Variants in PRRT3 observed in about 807,000 individuals in gnomAD.
PRRT3 encodes proline-rich transmembrane protein 3.
A neutral mutation model predicts 56.6 loss-of-function variants in PRRT3; 48 were observed. That is an observed-to-expected ratio of 0.85 (90% CI 0.67 to 1.08). The LOEUF is 1.08. PRRT3 is among the 50% of genes least tolerant of loss of function. PRRT3 has a pLI of 0.00. For synonymous variants in PRRT3, 641 were observed against 619.1 expected, an observed-to-expected ratio of 1.04 and a Z score of -0.52; for missense variants, 1,370 against 1,353.1, an observed-to-expected ratio of 1.01 and a Z score of -0.20.
rs2085504800 is a variant in PRRT3, at chr3:9,945,821, C to CCTTTTTTTTTTTTTTTTTTTTTTTTT, written c.*405_*406insAAAAAAAAAAAAAAAAAAAAAAAAAG. The CCTTTTTTTTTTTTTTTTTTTTTTTTT allele has an allele frequency of 1.8e-5, 1 of 56,908 alleles. No individual in the cohort carries two copies. The highest frequency in any genetic ancestry group is 6.4e-5 in the African/African-American group (1 of 15,564). 3.5% of individuals were successfully genotyped at this position (56,908 alleles called of 1,614,324 possible). On this transcript the variant is annotated 3_prime_UTR_variant, in exon 4 of 4. Coordinates refer to ENST00000412055, the MANE Select transcript of PRRT3 (RefSeq NM_207351.5). ...GTCAGGTAGAGAGGCCTGGGGATGC[C>CCTTTTTTTTTTTTTTTTTTTTTTTTT]TTTTTTTTTTTTTTTTTTTTTTTTT... is the stretch of plus-strand genomic sequence containing the variant.
rs2085498903 is a variant in PRRT3, at chr3:9,945,655, T to A, written c.*572A>T. ...CTGCTCCCTGTTCTTCATGCCCGAA[T>A]CCATGCACACCCACCCTGTATTCCG... On this transcript the variant is annotated 3_prime_UTR_variant, in exon 4 of 4. Transcript: ENST00000412055. The A allele has an allele frequency of 6.5e-6, 1 of 153,292 alleles. No individual in the cohort carries two copies. The highest frequency in any genetic ancestry group is 6.6e-5 in the Admixed American group (1 of 15,262). The allele number at this position is 153,292 out of a possible 1,614,324, so 9.5% of individuals were successfully genotyped here.
Position 9,948,849 on chromosome 3 carries a change from G to A in PRRT3, c.1080C>T (p.Ala360=), listed in dbSNP as rs2085572262. The part of the protein sequence containing the change: ...SPQRVRGAVE[A]PGTPKSLIPG... ...GGATGAGAGACTTGGGGGTGCCTGG[G>A]GCCTCCACAGCTCCTCTCACCCGCT... The change falls in exon 3 of 4, where the codon GCC becomes GCT. Residue 360 remains alanine, a synonymous_variant. Coordinates refer to ENST00000412055, the MANE Select transcript of PRRT3 (RefSeq NM_207351.5). The A allele has an allele frequency of 6.2e-7, 1 of 1,611,980 alleles. No homozygotes were observed. The highest frequency in any genetic ancestry group is 1.1e-5 in the South Asian group (1 of 90,978).
Position 9,948,785 on chromosome 3 carries a change from C to G in PRRT3, c.1144G>C (p.Glu382Gln). The G allele has an allele frequency of 1.2e-6, 2 of 1,614,002 alleles. No individual in the cohort carries two copies. The highest frequency in any genetic ancestry group is 1.7e-6 in the Non-Finnish European group (2 of 1,179,984). ...SDPGPAVNRT[E>Q]SPMGALQPDE... ...GGCTGCAGGGCCCCCATGGGGCTCT[C>G]TGTTCGGTTTACAGCTGGGCCAGGG... The change falls in exon 3 of 4, where the codon GAG becomes CAG. Residue 382 changes from glutamate to glutamine, a missense_variant. By Grantham distance (29) the Glu-to-Gln change is conservative (BLOSUM62 2). Coordinates refer to ENST00000412055, the MANE Select transcript of PRRT3 (RefSeq NM_207351.5).
intron 3 of PRRT3, 141 bp from the exon 4 acceptor site, chr3:9,948,142 TGAA>T (rs1235086434): frequency 3.0e-5 from 27 of 886,570 alleles, no homozygotes; most frequent in Non-Finnish European, 3.4e-5. Flanking sequence ...CATTGCGTTG[TGAA>T]GAAGATGAAA....
Position 9,947,454 on chromosome 3 carries a change from C to A in PRRT3, c.1719G>T (p.Leu573=). The part of the protein sequence containing the change: ...GLPPPLQNPL[L]LGAVALVHGV... ...CATGCACCAGCGCCACTGCTCCCAG[C>A]AGGAGTGGGTTTTGCAGCGGTGGCG... Residue 573 remains leucine, a synonymous_variant, in exon 4 of 4, where the codon CTG becomes CTT. Transcript: ENST00000412055. This position sits in a 1 kb window ranked among gnomAD's most constrained non-coding sequence, Gnocchi z 9.2. 4 of 1,612,500 alleles carry A rather than the reference C, an allele frequency of 2.5e-6. No individual in the cohort carries two copies. Among genetic ancestry groups the A allele is most frequent in the Non-Finnish European group, 3.4e-6 (4 of 1,179,640 alleles).
rs530008318 is a variant in PRRT3 at position 9,949,961 on chromosome 3, C to A, written c.155G>T (p.Gly52Val). 6.4e-7 allele frequency: 1 copy of A among 1,573,876 alleles called. No homozygotes were observed. The highest frequency in any genetic ancestry group is 8.6e-7 in the Non-Finnish European group (1 of 1,163,016). The change falls in exon 2 of 4, where the codon GGC becomes GTC. Residue 52 changes from glycine (G) to valine (V), a missense_variant. By Grantham distance (109) the Gly-to-Val change is moderately radical. Coordinates refer to ENST00000412055, the MANE Select transcript of PRRT3 (RefSeq NM_207351.5). The surrounding 1 kb of genome is among the most constrained non-coding windows in gnomAD (Gnocchi z 4.5). ...CACGTCAAAGGCCTGGGGCTCTGAG[C>A]CCACAGAGCCCTTGGGGTGGGCTCC... ...IPGAHPKGSVGSEPQAFDVFP... is the reference protein window; with the variant it reads ...IPGAHPKGSVVSEPQAFDVFP...
In PRRT3 at chr3:9,949,248, T is replaced by TG; in HGVS notation, c.867dup (p.Lys290GlnfsTer6). On this transcript the variant is annotated frameshift_variant, in exon 2 of 4. Coordinates refer to ENST00000412055, the MANE Select transcript of PRRT3 (RefSeq NM_207351.5). LOFTEE classifies it high-confidence loss of function. The surrounding 1 kb of genome is among the most constrained non-coding windows in gnomAD (Gnocchi z 4.5). ...CAGGACACCTCAGCGCCAGCCCTCT[T>TG]GGGGGTCTCAACCGGCAGCTCCTCA... 1 of 1,602,492 alleles carries TG rather than the reference T, an allele frequency of 6.2e-7. No homozygotes were observed. The highest frequency in any genetic ancestry group is 8.5e-7 in the Non-Finnish European group (1 of 1,173,728).
rs566154844 is a variant in PRRT3, at chr3:9,947,653, G to A, written c.1520C>T (p.Ala507Val). 1.3e-6 allele frequency: 2 copies of A among 1,571,326 alleles called. No homozygotes were observed. The highest frequency in any genetic ancestry group is 1.7e-6 in the Non-Finnish European group (2 of 1,160,316). Residue 507 changes from alanine (A) to valine (V), a missense_variant, in exon 4 of 4, where the codon GCG becomes GTG. Ala to Val is a moderately conservative substitution (Grantham distance 64). Coordinates refer to ENST00000412055, the MANE Select transcript of PRRT3 (RefSeq NM_207351.5). This position sits in a 1 kb window ranked among gnomAD's most constrained non-coding sequence, Gnocchi z 9.2. ...CGCCGAAGCCACGAGCACCAGCACC[G>A]CGGCCACCAATGCCAGCCGGGGCCC... ...PAGPRLALVAAVLVLVASALR... is the reference protein window; with the variant it reads ...PAGPRLALVAVVLVLVASALR...
intron 3 of PRRT3, chr3:9,948,502 T>C (rs1297147277): frequency 9.7e-6 from 5 of 513,514 alleles, no homozygotes; most frequent in African/African-American, 7.9e-5. Flanking sequence ...AATTTTTATA[T>C]ATTTTTTTTG....
chr3:9,950,005 G>C lies in PRRT3; in HGVS notation c.111C>G (p.Ser37=). The change falls in exon 2 of 4, where the codon TCC becomes TCG. Residue 37 remains serine (S), a synonymous_variant. Transcript: ENST00000412055. ...GRGFPRPLEN[S]EIPMIPGAHP... ...GGGCTCCAGGGATCATAGGGATTTC[G>C]GAGTTTTCAAGTGGCCTGGGAAAGC... is the stretch of plus-strand genomic sequence containing the variant. 5 of 1,533,794 alleles carry C rather than the reference G, an allele frequency of 3.3e-6. No individual in the cohort carries two copies. The highest frequency in any genetic ancestry group is 4.4e-6 in the Non-Finnish European group (5 of 1,143,866).
rs545123093 is a variant in PRRT3 at position 9,947,741 on chromosome 3, C to T, written c.1432G>A (p.Val478Met). Residue 478 changes from valine (V) to methionine (M), a missense_variant, in exon 4 of 4, where the codon GTG (valine) becomes ATG (methionine). By Grantham distance (21) the Val-to-Met change is conservative (BLOSUM62 1). Transcript: ENST00000412055. The surrounding 1 kb of genome is among the most constrained non-coding windows in gnomAD (Gnocchi z 9.2). ...GCGGGCAGCAGAAAGAGTACCCCCA[C>T]CCCGTAGACGTGCAGCTCCCAGGAG... ...SFSWELHVYG[V>M]GVLFLLPALL... 19 of 1,539,892 alleles carry T rather than the reference C, an allele frequency of 1.2e-5. No homozygotes were observed. Among genetic ancestry groups the T allele is most frequent in the Non-Finnish European group, 1.4e-5 (16 of 1,147,474 alleles).
Position 9,946,977 on chromosome 3 carries a change from T to A in PRRT3, c.2196A>T (p.Arg732=). The A allele has an allele frequency of 6.5e-7, 1 of 1,543,878 alleles. No homozygotes were observed. Among genetic ancestry groups the A allele is most frequent in the Non-Finnish European group, 8.7e-7 (1 of 1,149,544 alleles). ...APSGKSEVPE[R]PNNCYAGPSN... ...TGGGCCCTGCATAGCAGTTATTGGGTCGCTCCGGCACCTCGCTCTTTCCTG... is the reference window on the plus strand; with the variant it reads ...TGGGCCCTGCATAGCAGTTATTGGGACGCTCCGGCACCTCGCTCTTTCCTG... The change falls in exon 4 of 4, where the codon CGA becomes CGT. Residue 732 remains arginine, a synonymous_variant. Transcript: ENST00000412055. This position sits in a 1 kb window ranked among gnomAD's most constrained non-coding sequence, Gnocchi z 4.1.
chr3:9,947,110 G>A lies in PRRT3; in HGVS notation c.2063C>T (p.Thr688Ile), dbSNP rs780702570. 2 of 1,538,232 alleles carry A rather than the reference G, an allele frequency of 1.3e-6. No individual in the cohort carries two copies. Among genetic ancestry groups the A allele is most frequent in the East Asian group, 4.9e-5 (2 of 40,920 alleles). Residue 688 changes from threonine to isoleucine, a missense_variant, in exon 4 of 4, where the codon ACA becomes ATA. Physicochemically the swap from Thr to Ile is moderately conservative, Grantham distance 89 (BLOSUM62 -1). Coordinates refer to ENST00000412055, the MANE Select transcript of PRRT3 (RefSeq NM_207351.5). The surrounding 1 kb of genome is among the most constrained non-coding windows in gnomAD (Gnocchi z 9.2). ...GGCCAACGCCAGGGCGAGCGCCCATGTCAGCTCCAGGAGGCGCAGCCAGAA... is the reference window on the plus strand; with the variant it reads ...GGCCAACGCCAGGGCGAGCGCCCATATCAGCTCCAGGAGGCGCAGCCAGAA... ...VHFWLRLLEL[T>I]WALALALAAV...
Position 9,947,013 on chromosome 3 carries a change from G to A in PRRT3, c.2160C>T (p.Cys720=). The part of the protein sequence containing the change: ...ACWAKLMRLA[C]PAPSGKSEVP... ...CCTCGCTCTTTCCTGACGGCGCCGGGCACGCCAGACGCATCAGCTTAGCCC... is the reference window on the plus strand; with the variant it reads ...CCTCGCTCTTTCCTGACGGCGCCGGACACGCCAGACGCATCAGCTTAGCCC... The change falls in exon 4 of 4, where the codon TGC becomes TGT. Residue 720 remains cysteine, a synonymous_variant. Coordinates refer to ENST00000412055, the MANE Select transcript of PRRT3 (RefSeq NM_207351.5). The surrounding 1 kb of genome is among the most constrained non-coding windows in gnomAD (Gnocchi z 9.2). 6.5e-7 allele frequency: 1 copy of A among 1,541,378 alleles called. No homozygotes were observed.
Position 9,946,323 on chromosome 3 carries a change from A to G in PRRT3, c.2850T>C (p.Ser950=). Residue 950 remains serine, a synonymous_variant, in exon 4 of 4, where the codon TCT becomes TCC. Transcript: ENST00000412055. This position sits in a 1 kb window ranked among gnomAD's most constrained non-coding sequence, Gnocchi z 4.1. ...GGCCGTCCCCCTGCCGAGCGGCGGT[A>G]GAATCAGGGGCTGGGGTCGGGGCAG... ...LLPAPTPAPD[S]TAARQGDGQG... 1.2e-6 allele frequency: 2 copies of G among 1,612,556 alleles called. No individual in the cohort carries two copies. The highest frequency in any genetic ancestry group is 1.7e-6 in the Non-Finnish European group (2 of 1,179,740).
Position 9,946,899 on chromosome 3 carries a change from C to T in PRRT3, c.2274G>A (p.Pro758=), listed in dbSNP as rs1237365089. The change falls in exon 4 of 4, where the codon CCG becomes CCA. Residue 758 remains proline (P), a synonymous_variant. Coordinates refer to ENST00000412055, the MANE Select transcript of PRRT3 (RefSeq NM_207351.5). The surrounding 1 kb of genome is among the most constrained non-coding windows in gnomAD (Gnocchi z 4.1). ...GCGTGGCCAGCTGCCCACTCTCCGC[C>T]GGGTTGCGGATGAGGCTCTTGCTGA... ...LDISKSLIRN[P]AESGQLATPS... The T allele has an allele frequency of 3.2e-6, 5 of 1,539,128 alleles. No homozygotes were observed. The African/African-American group carries it at 4.1e-5, about 13-fold the overall frequency.
Position 9,947,025 on chromosome 3 carries a change from C to T in PRRT3, c.2148G>A (p.Met716Ile), listed in dbSNP as rs1039296154. 3.2e-6 allele frequency: 5 copies of T among 1,540,020 alleles called. No individual in the cohort carries two copies. The South Asian group carries it at 3.6e-5, about 11-fold the overall frequency. Residue 716 changes from methionine to isoleucine, a missense_variant, in exon 4 of 4, where the codon ATG (methionine) becomes ATA (isoleucine). Coordinates refer to ENST00000412055, the MANE Select transcript of PRRT3 (RefSeq NM_207351.5). The surrounding 1 kb of genome is among the most constrained non-coding windows in gnomAD (Gnocchi z 9.2). The part of the protein sequence containing the change: ...PTEHACWAKL[M>I]RLACPAPSGK... ...CTGACGGCGCCGGGCACGCCAGACG[C>T]ATCAGCTTAGCCCAGCAAGCGTGCT...
chr3:9,948,702 G>GT, intron 3 of PRRT3, 56 bp downstream of exon 3: 1 of 1,594,554 alleles, frequency 6.3e-7, no homozygotes, highest in Non-Finnish European at 8.6e-7. Flanking sequence ...CCCAACAGAG[G>GT]TTCTCAGTTA....
chr3:9,948,431 G>T (rs948235352), intron 3 of PRRT3: 19 of 432,742 alleles, frequency 4.4e-5, no homozygotes, highest in African/African-American at 3.3e-4. Context: ...CAGGACAAGT[G>T]ATCTCCCACC....
Sources: gnomAD v4.1 joint callset for allele counts on GRCh38, gnomAD v4.1.1 for gene constraint, Gnocchi (gnomAD v3.1) non-coding constraint, MANE v1.5 for transcripts, NCBI Gene and HGNC (gene_info 2026-07-23, HGNC 2026-07-21) for gene names.